Variants in NLGN4X observed in about 807,000 individuals in gnomAD.
NLGN4X encodes neuroligin 4 X-linked.
In NLGN4X, 3 loss-of-function variants were observed where a neutral mutation model predicts 40.3. The observed-to-expected ratio is 0.07, with a 90% CI of 0.03 to 0.19. The LOEUF (loss-of-function observed/expected upper bound fraction) is 0.19. NLGN4X is among the 10% of genes least tolerant of loss of function. NLGN4X has a pLI of 1.00. For missense variants in NLGN4X, 382 were observed against 708.3 expected, an observed-to-expected ratio of 0.54 and a Z score of 5.23; for synonymous variants, 270 against 306.8, an observed-to-expected ratio of 0.88 and a Z score of 1.25.
At chrX:6,056,292 A>G in intron 2 of NLGN4X, among the ~76,000 whole-genome samples, 1 of 111,246 alleles carries the variant, frequency 9.0e-6, no homozygotes, top group African/African-American at 3.3e-5. Context: ...CCTGGCCAAC[A>G]TGGCAAAACC....
chrX:5,924,460 C>T (rs1211354093), intron 3 of NLGN4X, among the ~76,000 whole-genome samples: 1 of 111,031 alleles, frequency 9.0e-6, no homozygotes, highest in Non-Finnish European at 1.9e-5. Context: ...TTTTAAAGTT[C>T]TTTTCACACA....
chrX:6,215,549 CAA>C (rs3072697), intron 1 of NLGN4X, among the ~76,000 whole-genome samples: 9 of 77,330 alleles, frequency 1.2e-4, no homozygotes, highest in Admixed American at 1.5e-4. Flanking sequence ...AACTCCGTCT[CAA>C]AAAAAAAAAA....
intron 4 of NLGN4X, 103 bp from the exon 5 acceptor site, chrX:5,903,969 T>C: frequency 9.7e-7 from 1 of 1,030,575 alleles, no homozygotes; most frequent in East Asian, 3.1e-5. Flanking sequence ...GCATGTGAGT[T>C]TCTGGATGTA....
chrX:5,969,431 C>G (rs1371763408), intron 3 of NLGN4X, among the ~76,000 whole-genome samples: 1 of 111,793 alleles, frequency 8.9e-6, no homozygotes, highest in Non-Finnish European at 1.9e-5. Context: ...AAATGCTCAT[C>G]ATCACTGGCC....
chrX:6,222,142 C>G (rs916465161), intron 1 of NLGN4X, among the ~76,000 whole-genome samples: 2 of 111,251 alleles, frequency 1.8e-5, no homozygotes, highest in African/African-American at 6.5e-5. Flanking sequence ...AAAAGGTGCC[C>G]TTAGCAAAAT....
chrX:5,983,046 G>T (rs6639557), intron 3 of NLGN4X, among the ~76,000 whole-genome samples: 7,629 of 112,031 alleles, frequency 0.068, 637 homozygotes, highest in African/African-American at 0.23. Flanking sequence ...CCCTAGTCAC[G>T]CCTGAAGGTC....
chrX:6,176,255 A>G (rs2040732128), intron 1 of NLGN4X, among the ~76,000 whole-genome samples: 1 of 112,324 alleles, frequency 8.9e-6, no homozygotes, highest in Non-Finnish European at 1.9e-5. Context: ...CTTGACCACA[A>G]CACTGCCTAG....
chrX:5,915,691 C>G (rs1043864149), intron 3 of NLGN4X, among the ~76,000 whole-genome samples: 2 of 111,760 alleles, frequency 1.8e-5, no homozygotes, highest in African/African-American at 6.5e-5. Flanking sequence ...AGGCACACGC[C>G]ACCACACCCA....
intron 3 of NLGN4X, among the ~76,000 whole-genome samples, chrX:5,960,560 T>A (rs2034627761): frequency 8.9e-6 from 1 of 112,109 alleles, no homozygotes. Flanking sequence ...ATAAATAATT[T>A]ATCTTTTTTA....
chrX:6,187,648 T>G (rs1922184525), intron 1 of NLGN4X: 1 of 112,397 alleles, frequency 8.9e-6, no homozygotes, highest in Admixed American at 9.4e-5. Context: ...TTTTCCTTCT[T>G]TCTTGTACTA....
chrX:6,073,615 C>T (rs2038121122), intron 2 of NLGN4X, among the ~76,000 whole-genome samples: 2 of 110,992 alleles, frequency 1.8e-5, no homozygotes, highest in African/African-American at 6.6e-5. Flanking sequence ...TTAAGGTGTA[C>T]CTGATATAAC....
At chrX:6,068,926 T>G (rs1427069490) in intron 2 of NLGN4X, among the ~76,000 whole-genome samples, 1 of 112,396 alleles carries the variant, frequency 8.9e-6, no homozygotes, top group Non-Finnish European at 1.9e-5. Flanking sequence ...GTCTGAAGAA[T>G]TAAACTTGTA....
intron 2 of NLGN4X, among the ~76,000 whole-genome samples, chrX:6,046,811 T>C (rs932021275): frequency 9.4e-6 from 1 of 106,688 alleles, no homozygotes; most frequent in African/African-American, 3.4e-5. Context: ...TAAACACATA[T>C]ATACACACAC....
At chrX:5,937,469 G>C (rs761714952) in intron 3 of NLGN4X, among the ~76,000 whole-genome samples, 2 of 111,729 alleles carry the variant, frequency 1.8e-5, no homozygotes, top group Non-Finnish European at 3.8e-5. Context: ...ATATTAACCT[G>C]AGTCATCACC....
At chrX:5,987,499 T>C (rs1312776705) in intron 3 of NLGN4X, among the ~76,000 whole-genome samples, 1 of 112,757 alleles carries the variant, frequency 8.9e-6, no homozygotes, top group Non-Finnish European at 1.9e-5. Flanking sequence ...TAATATAAGA[T>C]AACAGAACAC....
chrX:5,926,541 G>A (rs2033324935), intron 3 of NLGN4X, among the ~76,000 whole-genome samples: 1 of 109,952 alleles, frequency 9.1e-6, no homozygotes, highest in Non-Finnish European at 1.9e-5. Context: ...ATGCGATCGT[G>A]GCCTAGTAAT....
intron 3 of NLGN4X, among the ~76,000 whole-genome samples, chrX:5,982,719 G>A (rs899224758): frequency 1.8e-5 from 2 of 111,793 alleles, no homozygotes; most frequent in Non-Finnish European, 3.8e-5. Context: ...GTGGCCAGGC[G>A]TAGTGGCACA....
At chrX:5,947,782 G>T (rs753750440) in intron 3 of NLGN4X, among the ~76,000 whole-genome samples, 40 of 111,661 alleles carry the variant, frequency 3.6e-4, no homozygotes, top group Non-Finnish European at 4.9e-4. Flanking sequence ...GCACACATGG[G>T]TGTATGTGTA....
chrX:6,030,394 ATGTGTG>A (rs35006258), intron 2 of NLGN4X, among the ~76,000 whole-genome samples: 7 of 100,117 alleles, frequency 7.0e-5, no homozygotes, highest in East Asian at 3.2e-4. Context: ...GGATACAGAT[ATGTGTG>A]TGTGTGTGTG....
Sources: gnomAD v4.1 joint callset for allele counts (sites outside exome capture counted in the v4.1 genomes callset) on GRCh38, gnomAD v4.1.1 for gene constraint, MANE v1.5 for transcripts, NCBI Gene and HGNC (gene_info 2026-07-23, HGNC 2026-07-21) for gene names.